The following KIRREL3 variants were observed in gnomAD, a reference collection of about 807,000 sequenced individuals.
The protein encoded by KIRREL3 is kirre like nephrin family adhesion molecule 3.
A neutral mutation model predicts 89.7 loss-of-function variants in KIRREL3; 36 were observed. The observed-to-expected ratio is 0.40, with a 90% CI of 0.31 to 0.53. The LOEUF is 0.53. Among genes scored for constraint, KIRREL3 ranks in the 20% least tolerant of loss-of-function variants. The pLI is 0.49. For missense variants in KIRREL3, 864 were observed against 1,056.6 expected, an observed-to-expected ratio of 0.82 and a Z score of 2.53; for synonymous variants, 445 against 441.4, an observed-to-expected ratio of 1.01 and a Z score of -0.10.
chr11:126,748,149 G>C lies in KIRREL3; in HGVS notation c.56-185237C>G, dbSNP rs1949215720. Among the ~76,000 whole-genome samples the C allele has an allele frequency of 6.6e-6, 1 of 152,172 alleles. No individual in the cohort carries two copies. The highest frequency in any genetic ancestry group is 2.4e-5 in the African/African-American group (1 of 41,456). On this transcript the variant is annotated intron_variant, in intron 1 of 16. Transcript: ENST00000525144. This position sits in a 1 kb window ranked among gnomAD's most constrained non-coding sequence, Gnocchi z 4.6. The stretch of plus-strand genomic sequence containing the variant: ...TTGTTTTTATGTTATTCCCGTTCCA[G>C]TGACTTCAGAGGTGGCCCAGGGCCC...
At chr11:126,577,140 T>A (rs947867207) in intron 1 of KIRREL3, among the ~76,000 whole-genome samples, 1 of 152,192 alleles carries the variant, frequency 6.6e-6, no homozygotes, top group Non-Finnish European at 1.5e-5. Context: ...AAAATGTTTG[T>A]CTTAGCCGCG....
chr11:126,995,739 G>A lies in KIRREL3; in HGVS notation c.55+4716C>T, dbSNP rs546803780. ...TTTGCTATTGAAATCTCTTCAATTC[G>A]CTCTGGATTATTCATGTGCTTTTTT... On this transcript the variant is annotated intron_variant, in intron 1 of 16. Transcript: ENST00000525144. The surrounding 1 kb of genome is among the most constrained non-coding windows in gnomAD (Gnocchi z 6.5). 3.3e-5 allele frequency among the ~76,000 whole-genome samples: 5 copies of A among 152,084 alleles called. No individual in the cohort carries two copies. Among genetic ancestry groups the A allele is most frequent in the African/African-American group, 2.4e-5 (1 of 41,386 alleles).
At chr11:126,907,051 G>A (rs1330776763) in intron 1 of KIRREL3, among the ~76,000 whole-genome samples, 1 of 152,134 alleles carries the variant, frequency 6.6e-6, no homozygotes, top group African/African-American at 2.4e-5. Flanking sequence ...TCCTCATGGG[G>A]CCCACCACAC....
intron 5 of KIRREL3, among the ~76,000 whole-genome samples, chr11:126,466,986 A>G (rs573597321): frequency 7.5e-4 from 115 of 152,348 alleles, no homozygotes; most frequent in African/African-American, 2.6e-3. Context: ...TGTGACTGCC[A>G]TGGTGGCTCC....
intron 1 of KIRREL3, among the ~76,000 whole-genome samples, chr11:126,588,940 C>T (rs1331206294): frequency 6.6e-6 from 1 of 152,142 alleles, no homozygotes; most frequent in Non-Finnish European, 1.5e-5. Flanking sequence ...CAGCAGGGAG[C>T]TTGCTGCAGG....
intron 1 of KIRREL3, among the ~76,000 whole-genome samples, chr11:126,971,575 A>G (rs1364893305): frequency 6.6e-6 from 1 of 152,210 alleles, no homozygotes. Context: ...GTCCTATAGG[A>G]GAGTGAGTTC....
intron 1 of KIRREL3, among the ~76,000 whole-genome samples, chr11:126,774,327 G>T (rs1167167831): frequency 7.2e-5 from 11 of 152,126 alleles, no homozygotes; most frequent in African/African-American, 2.7e-4. Flanking sequence ...GTCCACTGTG[G>T]AGGCCACCTC....
rs868351035 is a variant in KIRREL3 at position 126,843,505 on chromosome 11, C to A, written c.55+156950G>T. On this transcript the variant is annotated intron_variant, in intron 1 of 16. Coordinates refer to ENST00000525144, the MANE Select transcript of KIRREL3 (RefSeq NM_032531.4). This position sits in a 1 kb window ranked among gnomAD's most constrained non-coding sequence, Gnocchi z 4.6. Reference sequence around the variant, plus strand: ...TCTGCCCAGTCTCGTCCCACAGAGACTTCCAGCCTAGTCAGCTATGCAATC... The same window carrying A: ...TCTGCCCAGTCTCGTCCCACAGAGAATTCCAGCCTAGTCAGCTATGCAATC... Among the ~76,000 whole-genome samples the A allele has an allele frequency of 1.2e-4, 18 of 152,284 alleles. No homozygotes were observed. The Middle Eastern group carries it at 0.014, about 115-fold the overall frequency.
chr11:126,620,141 C>T lies in KIRREL3; in HGVS notation c.56-57229G>A, dbSNP rs1174375609. ...AATCTGGTGGTCTTATAACACTTGA[C>T]CAAAAACCAAACAACAAAAACAAGG... is the stretch of plus-strand genomic sequence containing the variant. On this transcript the variant is annotated intron_variant, in intron 1 of 16. Coordinates refer to ENST00000525144, the MANE Select transcript of KIRREL3 (RefSeq NM_032531.4). The surrounding 1 kb of genome is among the most constrained non-coding windows in gnomAD (Gnocchi z 4.8). Among the ~76,000 whole-genome samples the T allele has an allele frequency of 1.3e-5, 2 of 152,102 alleles. No homozygotes were observed. The highest frequency in any genetic ancestry group is 2.9e-5 in the Non-Finnish European group (2 of 68,020).
chr11:126,664,579 G>A lies in KIRREL3; in HGVS notation c.56-101667C>T, dbSNP rs1945569087. 6.6e-6 allele frequency among the ~76,000 whole-genome samples: 1 copy of A among 152,180 alleles called. No individual in the cohort carries two copies. The highest frequency in any genetic ancestry group is 2.4e-5 in the African/African-American group (1 of 41,448). On this transcript the variant is annotated intron_variant, in intron 1 of 16. Coordinates refer to ENST00000525144, the MANE Select transcript of KIRREL3 (RefSeq NM_032531.4). The surrounding 1 kb of genome is among the most constrained non-coding windows in gnomAD (Gnocchi z 5.4). ...GAAGAAGTTCGGCCTCACCTCTTGA[G>A]GATCATTTCTACAGCAGAGCTGCCC... is the stretch of plus-strand genomic sequence containing the variant.
chr11:126,492,009 A>AGTAT lies in KIRREL3; in HGVS notation c.434-18547_434-18544dup, dbSNP rs1405112678. Among the ~76,000 whole-genome samples the AGTAT allele has an allele frequency of 6.6e-5, 10 of 152,060 alleles. No individual in the cohort carries two copies. The highest frequency in any genetic ancestry group is 2.2e-4 in the African/African-American group (9 of 41,400). On this transcript the variant is annotated intron_variant, in intron 4 of 16. Transcript: ENST00000525144. This position sits in a 1 kb window ranked among gnomAD's most constrained non-coding sequence, Gnocchi z 4.8. The stretch of plus-strand genomic sequence containing the variant: ...GAGCCACCACGCCTGGGAGATTTGG[A>AGTAT]GTATTGATAGAGGGATTTCAGAATC...
Position 126,609,052 on chromosome 11 carries a change from AC to A in KIRREL3, c.56-46141del, listed in dbSNP as rs1943010615. Among the ~76,000 whole-genome samples the A allele has an allele frequency of 6.6e-6, 1 of 152,138 alleles. No homozygotes were observed. The highest frequency in any genetic ancestry group is 2.4e-5 in the African/African-American group (1 of 41,426). On this transcript the variant is annotated intron_variant, in intron 1 of 16. Transcript: ENST00000525144. The surrounding 1 kb of genome is among the most constrained non-coding windows in gnomAD (Gnocchi z 5.0). ...AGTATGCTAGGAGAATGGAAAACTA[AC>A]CCGGAGACAGGGCTAAAGTTACTGC...
rs1050853726 is a variant in KIRREL3 at position 126,791,319 on chromosome 11, A to T, written c.55+209136T>A. On this transcript the variant is annotated intron_variant, in intron 1 of 16. Transcript: ENST00000525144. The surrounding 1 kb of genome is among the most constrained non-coding windows in gnomAD (Gnocchi z 4.8). ...AAATCGTAAAGGGAGGGCAGGTGTT[A>T]TCATAATAGGACATTCCAATTCATC... is the stretch of plus-strand genomic sequence containing the variant. Among the ~76,000 whole-genome samples the T allele has an allele frequency of 6.6e-6, 1 of 152,200 alleles. No homozygotes were observed. The highest frequency in any genetic ancestry group is 1.5e-5 in the Non-Finnish European group (1 of 68,044).
At position 126,947,695 on chromosome 11, in the gene KIRREL3, T is replaced by G. The variant is rs1187161874; in HGVS notation, c.55+52760A>C. ...CAATAGAGAGATGGGATGGGATAGC[T>G]GTTGCAGACTGAGATGGGATTAAAA... On this transcript the variant is annotated intron_variant, in intron 1 of 16. Coordinates refer to ENST00000525144, the MANE Select transcript of KIRREL3 (RefSeq NM_032531.4). 4.6e-5 allele frequency among the ~76,000 whole-genome samples: 7 copies of G among 152,258 alleles called. No homozygotes were observed. In the East Asian group the frequency reaches 1.2e-3, roughly 25 times the overall value.
At chr11:126,532,296 G>C (rs1958967054) in intron 2 of KIRREL3, among the ~76,000 whole-genome samples, 1 of 152,152 alleles carries the variant, frequency 6.6e-6, no homozygotes, top group African/African-American at 2.4e-5. Flanking sequence ...AGGGTCTCAA[G>C]CCCAGATTTT....
rs948387164 is a variant in KIRREL3 at position 126,640,038 on chromosome 11, T to C, written c.56-77126A>G. 1.3e-5 allele frequency among the ~76,000 whole-genome samples: 2 copies of C among 152,228 alleles called. No individual in the cohort carries two copies. Among genetic ancestry groups the C allele is most frequent in the South Asian group, 4.1e-4 (2 of 4,824 alleles). On this transcript the variant is annotated intron_variant, in intron 1 of 16. Coordinates refer to ENST00000525144, the MANE Select transcript of KIRREL3 (RefSeq NM_032531.4). The surrounding 1 kb of genome is among the most constrained non-coding windows in gnomAD (Gnocchi z 4.9). ...TAAATAACTTCATTACGATCAGTAC[T>C]GTGACAATGAATATGAAATGAACGT...
rs545463770 is a variant in KIRREL3, at chr11:126,686,463, G to T, written c.56-123551C>A. Among the ~76,000 whole-genome samples the T allele has an allele frequency of 2.6e-5, 4 of 151,138 alleles. No homozygotes were observed. Among genetic ancestry groups the T allele is most frequent in the African/African-American group, 9.7e-5 (4 of 41,388 alleles). ...GGAAGAGAATGGAAGATACACAAAG[G>T]AAGGGAGTCCCAAGCTGAATGTTCT... On this transcript the variant is annotated intron_variant, in intron 1 of 16. Transcript: ENST00000525144. This position sits in a 1 kb window ranked among gnomAD's most constrained non-coding sequence, Gnocchi z 4.7.
At position 126,555,279 on chromosome 11, in the gene KIRREL3, T is replaced by C. The variant is rs927498586; in HGVS notation, c.133+7556A>G. 1.9e-4 allele frequency among the ~76,000 whole-genome samples: 29 copies of C among 152,186 alleles called. No individual in the cohort carries two copies. The highest frequency in any genetic ancestry group is 1.6e-4 in the Non-Finnish European group (11 of 68,034). ...TCTCAAGCAGTGGCCAGAGGTAGGC[T>C]GAGTGAAACAAGCCACTCCAGTTCC... On this transcript the variant is annotated intron_variant, in intron 2 of 16. Coordinates refer to ENST00000525144, the MANE Select transcript of KIRREL3 (RefSeq NM_032531.4). This position sits in a 1 kb window ranked among gnomAD's most constrained non-coding sequence, Gnocchi z 4.2.
At position 127,000,480 on chromosome 11, in the gene KIRREL3, G is replaced by A. The variant is rs748577902; in HGVS notation, c.30C>T (p.Phe10=). 2 of 1,608,504 alleles carry A rather than the reference G, an allele frequency of 1.2e-6. No individual in the cohort carries two copies. Among genetic ancestry groups the A allele is most frequent in the East Asian group, 2.2e-5 (1 of 44,646 alleles). ...CTTGACTGAAGAGGAAGAAGCAGACGAAGAGCAGATCGAGCTGGAAGGGTT... is the reference window on the plus strand; with the variant it reads ...CTTGACTGAAGAGGAAGAAGCAGACAAAGAGCAGATCGAGCTGGAAGGGTT... MKPFQLDLL[F]VCFFLFSQEL... The change falls in exon 1 of 17, where the codon TTC becomes TTT. Residue 10 remains phenylalanine (F), a synonymous_variant. Coordinates refer to ENST00000525144, the MANE Select transcript of KIRREL3 (RefSeq NM_032531.4). The surrounding 1 kb of genome is among the most constrained non-coding windows in gnomAD (Gnocchi z 7.1).
Sources: allele counts gnomAD v4.1 joint callset (sites outside exome capture counted in the v4.1 genomes callset), GRCh38; gene constraint gnomAD v4.1.1; non-coding constraint Gnocchi (gnomAD v3.1); transcripts MANE v1.5; gene names NCBI Gene and HGNC (gene_info 2026-07-23, HGNC 2026-07-21).